Variants in UTP25 observed in about 807,000 individuals in gnomAD.
UTP25 encodes the protein U3 small nucleolar RNA-associated protein 25 homolog.
A neutral mutation model predicts 78.9 loss-of-function variants in UTP25; 50 were observed. That is an observed-to-expected ratio of 0.63 (90% CI 0.50 to 0.80). UTP25 has a LOEUF of 0.80. UTP25 is among the 30% of genes least tolerant of loss of function. The pLI is 0.00. For missense variants in UTP25, 846 were observed against 911.3 expected (o/e 0.93, Z 0.92); for synonymous variants, 329 against 336.5 (o/e 0.98, Z 0.24).
At chr1:209,849,008 C>T (rs2078214034) in intron 11 of UTP25, among the ~76,000 whole-genome samples, 2 of 144,516 alleles carry the variant, frequency 1.4e-5, no homozygotes, top group South Asian at 2.2e-4. Flanking sequence ...GGGTTTTTCT[C>T]AGTGTCCTGA....
intron 8 of UTP25, 146 bp from the exon 9 acceptor site, chr1:209,842,119 G>A (rs2078170295): frequency 1.2e-5 from 10 of 817,460 alleles, no homozygotes; most frequent in Non-Finnish European, 1.9e-5. Context: ...CCATGGGCAA[G>A]TCACTCACCC....
intron 2 of UTP25, 59 bp downstream of exon 2, chr1:209,830,206 A>G (rs1341963767): frequency 2.1e-6 from 3 of 1,408,424 alleles, no homozygotes; most frequent in South Asian, 2.5e-5. Context: ...CTAAGATTAT[A>G]TCTAATAATA....
At position 209,838,989 on chromosome 1, in the gene UTP25, G is replaced by C. The variant is rs753377371; in HGVS notation, c.1143G>C (p.Lys381Asn). 9.4e-5 allele frequency: 151 copies of C among 1,614,018 alleles called. No individual in the cohort carries two copies. The highest frequency in any genetic ancestry group is 1.2e-4 in the Non-Finnish European group (146 of 1,180,000). Residue 381 changes from lysine (K) to asparagine (N), a missense_variant, in exon 7 of 12, where the codon AAG becomes AAC. By Grantham distance (94) the Lys-to-Asn change is moderately conservative (BLOSUM62 0). Coordinates refer to ENST00000491415, the MANE Select transcript of UTP25 (RefSeq NM_014388.7). ...TCAGCCTCCTCGAGGGTGACAGCAA[G>C]AAGAAAATCATTGTGAGCAACAAAA... is the stretch of plus-strand genomic sequence containing the variant. ...LFISLLEGDS[K>N]KKIIVSNKKR...
At chr1:209,830,687 A>G (rs921666028) in intron 2 of UTP25, 116 bp from the exon 3 acceptor site, 1 of 1,456,178 alleles carries the variant, frequency 6.9e-7, no homozygotes, top group Non-Finnish European at 9.1e-7. Flanking sequence ...TAGATTAGCA[A>G]TTTTAAGTAA....
In UTP25 at chr1:209,852,899, G is replaced by A. The variant is rs2078249400; in HGVS notation, c.*1452G>A. The A allele has an allele frequency of 6.6e-6, 1 of 152,088 alleles. No homozygotes were observed. Among genetic ancestry groups the A allele is most frequent in the African/African-American group, 2.4e-5 (1 of 41,384 alleles). 9.4% of individuals were successfully genotyped at this position (152,088 alleles called of 1,614,324 possible). A position where few individuals can be genotyped will look rare whatever the true frequency, so the allele number is the denominator to read the frequency against. On this transcript the variant is annotated 3_prime_UTR_variant, in exon 12 of 12. Transcript: ENST00000491415. ...ATTCACACCAGTACCTCCAATTCTA[G>A]TCCAACAACACAGGATTGCTTCTCA...
In UTP25 at chr1:209,856,941, T is replaced by C. The variant is rs1214760409; in HGVS notation, c.*5494T>C. 6.6e-6 allele frequency: 1 copy of C among 152,276 alleles called. No homozygotes were observed. Among genetic ancestry groups the C allele is most frequent in the African/African-American group, 2.4e-5 (1 of 41,480 alleles). The allele number at this position is 152,276 out of a possible 1,614,324, so 9.4% of individuals were successfully genotyped here. On this transcript the variant is annotated 3_prime_UTR_variant, in exon 12 of 12. Coordinates refer to ENST00000491415, the MANE Select transcript of UTP25 (RefSeq NM_014388.7). ...AGCAAGAGAACAGACTTCAGCTCTC[T>C]GAAGGCTGATGACCACCTGTTTCTC...
At chr1:209,834,985 C>A in intron 4 of UTP25, 90 bp from the exon 5 acceptor site, 1 of 996,948 alleles carries the variant, frequency 1.0e-6, no homozygotes, top group South Asian at 1.5e-5. Flanking sequence ...TGAGTTAACA[C>A]AATGAAGATC....
chr1:209,836,813 G>A lies in UTP25; in HGVS notation c.664G>A (p.Gly222Ser), dbSNP rs775570004. Residue 222 changes from glycine to serine, a missense_variant, in exon 6 of 12, where the codon GGC becomes AGC. Coordinates refer to ENST00000491415, the MANE Select transcript of UTP25 (RefSeq NM_014388.7). ...TTHELKWPIL[G>S]QLFFSSKFQK... Reference sequence around the variant, plus strand: ...GTTTCTCCCCTAGTGGCCTATTCTGGGCCAGCTTTTCTTTTCCTCTAAGTT... The same window carrying A: ...GTTTCTCCCCTAGTGGCCTATTCTGAGCCAGCTTTTCTTTTCCTCTAAGTT... 23 of 1,605,532 alleles carry A rather than the reference G, an allele frequency of 1.4e-5. No individual in the cohort carries two copies. Among genetic ancestry groups the A allele is most frequent in the Non-Finnish European group, 1.8e-5 (21 of 1,176,712 alleles).
intron 3 of UTP25, 128 bp downstream of exon 3, chr1:209,831,171 T>C: frequency 1.1e-6 from 1 of 932,662 alleles, no homozygotes; most frequent in Non-Finnish European, 1.6e-6. Flanking sequence ...GATTTACCCT[T>C]GTTGGGTTTG....
rs1409099292 is a variant in UTP25 at position 209,839,179 on chromosome 1, C to T, written c.1282+51C>T. ...ACCTAAAGTGTGAAGGTCTACATAG[C>T]TGGAGACCAGAAGCTGGAATTAGAT... On this transcript the variant is annotated intron_variant, in intron 7 of 11. Coordinates refer to ENST00000491415, the MANE Select transcript of UTP25 (RefSeq NM_014388.7). 4 of 1,461,966 alleles carry T rather than the reference C, an allele frequency of 2.7e-6. 1 individual carries two copies. The South Asian group carries it at 5.1e-5, about 19-fold the overall frequency. The allele number at this position is 1,461,966 out of a possible 1,614,324, so 90.6% of individuals were successfully genotyped here. A position where few individuals can be genotyped will look rare whatever the true frequency, so the allele number is the denominator to read the frequency against.
chr1:209,850,220 TTTTTG>T (rs1308055732), intron 11 of UTP25, among the ~76,000 whole-genome samples: 1 of 152,214 alleles, frequency 6.6e-6, no homozygotes, highest in Non-Finnish European at 1.5e-5. Flanking sequence ...CTCAGTGTTG[TTTTTG>T]TTTTGAGAAC....
chr1:209,848,838 A>G (rs1358578691), intron 11 of UTP25, among the ~76,000 whole-genome samples: 1 of 152,166 alleles, frequency 6.6e-6, no homozygotes, highest in African/African-American at 2.4e-5. Context: ...GGCTGAAGTA[A>G]ATAATACTTA....
At chr1:209,840,775 T>G (rs1056031494) in intron 7 of UTP25, 78 bp from the exon 8 acceptor site, 5 of 1,378,398 alleles carry the variant, frequency 3.6e-6, no homozygotes, top group Non-Finnish European at 5.2e-6. Context: ...ATAGAAGTGG[T>G]GGACTGCTTT....
chr1:209,849,982 C>G (rs1402961729), intron 11 of UTP25, among the ~76,000 whole-genome samples: 1 of 152,176 alleles, frequency 6.6e-6, no homozygotes. Flanking sequence ...ACATTGGTAG[C>G]TTGAAACTGA....
In UTP25 at chr1:209,830,907, G is replaced by A; in HGVS notation, c.252G>A (p.Glu84=). The change falls in exon 3 of 12, where the codon GAG becomes GAA. Residue 84 remains glutamate, a synonymous_variant. Transcript: ENST00000491415. ...TTGCTACATTAAAGAATGTTTCTGA[G>A]GAAGAAGAGGAAGATGAGGAGGAGG... ...RLLATLKNVS[E]EEEEDEEEEE... The A allele has an allele frequency of 6.2e-7, 1 of 1,613,884 alleles. No individual in the cohort carries two copies. The highest frequency in any genetic ancestry group is 1.1e-5 in the South Asian group (1 of 91,074).
At chr1:209,829,995 T>C (rs1054039683) in intron 1 of UTP25, 113 bp from the exon 2 acceptor site, 1 of 919,364 alleles carries the variant, frequency 1.1e-6, no homozygotes, top group Non-Finnish European at 1.6e-6. Flanking sequence ...TGACTATATC[T>C]AAAATGTATT....
chr1:209,838,871 C>G (rs2078149635), intron 6 of UTP25, 38 bp from the exon 7 acceptor site: 6 of 1,605,534 alleles, frequency 3.7e-6, no homozygotes, highest in Non-Finnish European at 5.1e-6. Flanking sequence ...CTGTTCCTTC[C>G]TCTTACCCCA....
intron 1 of UTP25, among the ~76,000 whole-genome samples, chr1:209,828,640 G>T (rs912634309): frequency 6.6e-6 from 1 of 151,390 alleles, no homozygotes; most frequent in African/African-American, 2.4e-5. Context: ...CTGACCTCAG[G>T]TGATCCACCC....
chr1:209,851,504 C>T lies in UTP25; in HGVS notation c.*57C>T. 1 of 1,527,578 alleles carries T rather than the reference C, an allele frequency of 6.5e-7. No homozygotes were observed. Among genetic ancestry groups the T allele is most frequent in the Non-Finnish European group, 8.8e-7 (1 of 1,138,198 alleles). 94.6% of individuals were successfully genotyped at this position (1,527,578 alleles called of 1,614,324 possible). On this transcript the variant is annotated 3_prime_UTR_variant, in exon 12 of 12. Transcript: ENST00000491415. ...TGATACATAATGTTTGATTCTATGC[C>T]ATTTGGACCCAATTCTGATTACTTA...
Sources: gnomAD v4.1 joint callset for allele counts (sites outside exome capture counted in the v4.1 genomes callset) on GRCh38, gnomAD v4.1.1 for gene constraint, MANE v1.5 for transcripts, NCBI Gene and HGNC (gene_info 2026-07-23, HGNC 2026-07-21) for gene names.